ADGRB3: variants seen among roughly 807,000 people sequenced by gnomAD.
ADGRB3 encodes the protein brain-specific angiogenesis inhibitor 3.
A neutral mutation model predicts 193.4 loss-of-function variants in ADGRB3; 37 were observed. The observed-to-expected ratio is 0.19, with a 90% CI of 0.15 to 0.25. ADGRB3 has a LOEUF of 0.25. Among genes scored for constraint, ADGRB3 ranks in the 10% least tolerant of loss-of-function variants. The pLI, the probability that ADGRB3 is intolerant of heterozygous loss-of-function variation, is 1.00. For synonymous variants in ADGRB3, 690 were observed against 644.2 expected (o/e 1.07, Z -1.08); for missense variants, 1,637 against 1,852.9 (o/e 0.88, Z 2.14).
intron 3 of ADGRB3, among the ~76,000 whole-genome samples, chr6:68,911,324 G>A (rs1226692621): frequency 3.3e-5 from 5 of 151,638 alleles, no homozygotes; most frequent in Admixed American, 1.3e-4. Context: ...GTTAAATAAC[G>A]AGTTAATGGG....
chr6:69,005,209 C>G (rs907714944), intron 11 of ADGRB3, among the ~76,000 whole-genome samples: 27 of 151,698 alleles, frequency 1.8e-4, no homozygotes, highest in African/African-American at 6.1e-4. Context: ...TAAAAGGGGA[C>G]TGTAGGCAAT....
intron 8 of ADGRB3, among the ~76,000 whole-genome samples, chr6:68,964,473 T>C (rs969125201): frequency 1.3e-5 from 2 of 152,150 alleles, no homozygotes; most frequent in Non-Finnish European, 2.9e-5. Context: ...TTTCTACATA[T>C]GCTATGACCT....
intron 17 of ADGRB3, among the ~76,000 whole-genome samples, chr6:69,101,433 C>CGTGTGTGTGT (rs59471051): frequency 0.019 from 2,821 of 145,340 alleles, 43 homozygotes; most frequent in East Asian, 0.047. Flanking sequence ...CAGTAAGTAT[C>CGTGTGTGTGT]GTGTGTGTGT....
intron 13 of ADGRB3, among the ~76,000 whole-genome samples, chr6:69,040,308 T>C (rs1025073156): frequency 1.8e-4 from 2 of 11,138 alleles, no homozygotes; most frequent in East Asian, 0.011. Flanking sequence ...TTTCTCTGTC[T>C]CTTTCTTTCT....
intron 8 of ADGRB3, among the ~76,000 whole-genome samples, chr6:68,974,101 T>G (rs1768667090): frequency 6.6e-6 from 1 of 152,178 alleles, no homozygotes; most frequent in Non-Finnish European, 1.5e-5. Context: ...CATTTAATAG[T>G]TAATAATTTT....
intron 3 of ADGRB3, among the ~76,000 whole-genome samples, chr6:68,907,582 G>T (rs994423087): frequency 6.6e-6 from 1 of 151,716 alleles, no homozygotes; most frequent in African/African-American, 2.4e-5. Flanking sequence ...TTTTAATTAA[G>T]TAGAGTTGAT....
chr6:68,970,005 G>T (rs1768511553), intron 8 of ADGRB3, among the ~76,000 whole-genome samples: 1 of 152,098 alleles, frequency 6.6e-6, no homozygotes, highest in Non-Finnish European at 1.5e-5. Flanking sequence ...TCTCCTTCCA[G>T]CCCTGCTGAA....
intron 3 of ADGRB3, among the ~76,000 whole-genome samples, chr6:68,820,036 T>C (rs1448830407): frequency 1.3e-5 from 2 of 152,074 alleles, no homozygotes; most frequent in Non-Finnish European, 2.9e-5. Flanking sequence ...GTACTGATTG[T>C]ATTTTTTCCT....
At chr6:69,254,483 G>A (rs1015577009) in intron 20 of ADGRB3, among the ~76,000 whole-genome samples, 2 of 151,814 alleles carry the variant, frequency 1.3e-5, no homozygotes, top group African/African-American at 2.4e-5. Flanking sequence ...ATTTATCCCT[G>A]TGAGGCTGTT....
Position 68,936,653 on chromosome 6 carries a change from G to T in ADGRB3, c.1003G>T (p.Val335Phe), listed in dbSNP as rs779099320. Residue 335 changes from valine to phenylalanine, a missense_variant, in exon 5 of 32, where the codon GTT becomes TTT. By Grantham distance (50) the Val-to-Phe change is conservative (BLOSUM62 -1). Around this residue, in one of 7 missense-constraint regions of ADGRB3, gnomAD observed 365 missense variants for 409.8 expected, o/e 0.89. Coordinates refer to ENST00000370598, the MANE Select transcript of ADGRB3 (RefSeq NM_001704.3). ...CAGCGGCCCATTAAGAGAATCAAGGGTTTGCAATAACACTGCCCTCTGTCC... is the reference window on the plus strand; with the variant it reads ...CAGCGGCCCATTAAGAGAATCAAGGTTTTGCAATAACACTGCCCTCTGTCC... ...HCSGPLRESR[V>F]CNNTALCPVH... is the part of the protein sequence containing the mutation. 1.2e-6 allele frequency: 2 copies of T among 1,613,430 alleles called. No homozygotes were observed. Among genetic ancestry groups the T allele is most frequent in the South Asian group, 1.1e-5 (1 of 90,984 alleles).
chr6:69,193,071 C>A (rs1765227273), intron 17 of ADGRB3, among the ~76,000 whole-genome samples: 1 of 151,936 alleles, frequency 6.6e-6, no homozygotes, highest in Non-Finnish European at 1.5e-5. Flanking sequence ...TATCTATATT[C>A]CTTTTTGCTT....
At chr6:69,110,303 T>C (rs1458193659) in intron 17 of ADGRB3, among the ~76,000 whole-genome samples, 1 of 152,156 alleles carries the variant, frequency 6.6e-6, no homozygotes, top group Non-Finnish European at 1.5e-5. Context: ...GTGTCCATGC[T>C]TACTATAATG....
intron 11 of ADGRB3, 96 bp downstream of exon 11, chr6:68,994,058 A>G: frequency 8.2e-7 from 1 of 1,221,430 alleles, no homozygotes; most frequent in South Asian, 1.4e-5. Context: ...GGCGGACTGG[A>G]GGAAGATAAT....
intron 17 of ADGRB3, among the ~76,000 whole-genome samples, chr6:69,091,001 T>TA (rs1772689024): frequency 6.6e-6 from 1 of 152,148 alleles, no homozygotes; most frequent in Non-Finnish European, 1.5e-5. Flanking sequence ...CAGACACTTC[T>TA]AAAAAGACAT....
At chr6:69,115,355 A>G (rs1488674969) in intron 17 of ADGRB3, among the ~76,000 whole-genome samples, 1 of 152,210 alleles carries the variant, frequency 6.6e-6, no homozygotes, top group Non-Finnish European at 1.5e-5. Context: ...ACAGAAAAAC[A>G]AACACCGCAT....
At chr6:68,973,275 G>A (rs1039961335) in intron 8 of ADGRB3, among the ~76,000 whole-genome samples, 9 of 145,382 alleles carry the variant, frequency 6.2e-5, no homozygotes, top group Non-Finnish European at 3.2e-5. Flanking sequence ...TTTGGGCCTT[G>A]GTGCCTTCAT....
intron 26 of ADGRB3, among the ~76,000 whole-genome samples, chr6:69,350,774 AT>A (rs1050597365): frequency 4.7e-5 from 7 of 147,578 alleles, no homozygotes; most frequent in African/African-American, 1.2e-4. Flanking sequence ...ATTTTATTTT[AT>A]TTTTTTTATT....
At chr6:69,200,614 G>A (rs1221145465) in intron 17 of ADGRB3, among the ~76,000 whole-genome samples, 3 of 152,064 alleles carry the variant, frequency 2.0e-5, no homozygotes, top group Admixed American at 6.6e-5. Flanking sequence ...TGTTCAAACC[G>A]AGAATCTAAG....
intron 20 of ADGRB3, among the ~76,000 whole-genome samples, chr6:69,259,489 A>T (rs1187908560): frequency 6.6e-6 from 1 of 151,962 alleles, no homozygotes; most frequent in Non-Finnish European, 1.5e-5. Context: ...AGGCCAGGAG[A>T]TCGAGACCAT....
Sources: gnomAD v4.1 joint callset for allele counts (sites outside exome capture counted in the v4.1 genomes callset) on GRCh38, gnomAD v4.1.1 for gene constraint, gnomAD v4.1.1 regional missense constraint, MANE v1.5 for transcripts, NCBI Gene and HGNC (gene_info 2026-07-23, HGNC 2026-07-21) for gene names.